NTRK2: variants seen among roughly 807,000 people sequenced by gnomAD.
NTRK2 encodes the protein neurotrophic receptor tyrosine kinase 2, also known as BDNF/NT-3 growth factors receptor.
A neutral mutation model predicts 94.5 loss-of-function variants in NTRK2; 13 were observed. The observed-to-expected ratio is 0.14, with a 90% CI of 0.09 to 0.22. The LOEUF is 0.22. NTRK2 is among the 10% of genes least tolerant of loss of function. The pLI is 1.00. For synonymous variants in NTRK2, 372 were observed against 407.4 expected, an observed-to-expected ratio of 0.91 and a Z score of 1.05; for missense variants, 639 against 1,071.2, an observed-to-expected ratio of 0.60 and a Z score of 5.63.
intron 12 of NTRK2, among the ~76,000 whole-genome samples, chr9:84,782,495 A>AT (rs1403976701): frequency 6.6e-6 from 1 of 152,000 alleles, no homozygotes; most frequent in Non-Finnish European, 1.5e-5. Context: ...AAGCTGTGGT[A>AT]TTTTTTCTGC....
intron 14 of NTRK2, among the ~76,000 whole-genome samples, chr9:84,881,685 A>G (rs996998017): frequency 3.3e-5 from 5 of 152,218 alleles, no homozygotes; most frequent in African/African-American, 9.6e-5. Context: ...GTATTTGCCT[A>G]TGATTCTGGT....
Position 84,727,944 on chromosome 9 carries a change from C to T in NTRK2, c.1144C>T (p.Pro382Ser). ...GATTTCTGCTCACTTCATGGGCTGG[C>T]CTGGAATTGACGATGGTGAGTAACT... ...KQISAHFMGW[P>S]GIDDGANPNY... The change falls in exon 9 of 19, where the codon CCT (proline) becomes TCT (serine). Residue 382 changes from proline (P) to serine (S), a missense_variant. Pro to Ser is a moderately conservative substitution (Grantham distance 74). Around this residue, in one of 5 missense-constraint regions of NTRK2, gnomAD observed 343 missense variants for 571.5 expected, o/e 0.60. Coordinates refer to ENST00000277120, the MANE Select transcript of NTRK2 (RefSeq NM_006180.6). The T allele has an allele frequency of 6.2e-7, 1 of 1,614,020 alleles. No individual in the cohort carries two copies. Among genetic ancestry groups the T allele is most frequent in the Non-Finnish European group, 8.5e-7 (1 of 1,179,938 alleles).
chr9:84,935,383 C>A (rs1257597466), intron 15 of NTRK2, among the ~76,000 whole-genome samples: 1 of 152,152 alleles, frequency 6.6e-6, no homozygotes, highest in East Asian at 1.9e-4. Flanking sequence ...TAAAATTATT[C>A]TTGGAGTCAT....
chr9:84,994,876 G>A (rs1474221748), intron 17 of NTRK2, among the ~76,000 whole-genome samples: 3 of 152,204 alleles, frequency 2.0e-5, no homozygotes, highest in African/African-American at 4.8e-5. Context: ...CCCAATGTGT[G>A]TTGTGGCCTA....
At chr9:84,786,901 C>T (rs2133128858) in intron 12 of NTRK2, among the ~76,000 whole-genome samples, 1 of 152,240 alleles carries the variant, frequency 6.6e-6, no homozygotes, top group Non-Finnish European at 1.5e-5. Flanking sequence ...TTTAAATTGA[C>T]ATTTTATTGT....
chr9:84,877,135 T>C, intron 14 of NTRK2: 1 of 1,064,938 alleles, frequency 9.4e-7, no homozygotes, highest in Non-Finnish European at 1.1e-6. Flanking sequence ...GTATATGCTC[T>C]GCCACTTCCT....
At chr9:84,949,495 T>C (rs554070929) in intron 16 of NTRK2, among the ~76,000 whole-genome samples, 174 of 151,978 alleles carry the variant, frequency 1.1e-3, no homozygotes, top group Middle Eastern at 6.8e-3. Context: ...TGAGACAGAG[T>C]CTCGCTCTGT....
At chr9:84,757,114 C>T (rs1347378170) in intron 12 of NTRK2, among the ~76,000 whole-genome samples, 1 of 152,124 alleles carries the variant, frequency 6.6e-6, no homozygotes, top group African/African-American at 2.4e-5. Flanking sequence ...GTAGAAACAT[C>T]TGTAAGGACA....
At chr9:84,898,772 G>C (rs1457163250) in intron 14 of NTRK2, among the ~76,000 whole-genome samples, 1 of 151,140 alleles carries the variant, frequency 6.6e-6, no homozygotes, top group African/African-American at 2.4e-5. Context: ...GTGCAATCTT[G>C]GCTCACTGCA....
rs1161839660 is a variant in NTRK2 at position 85,023,097 on chromosome 9, C to A, written c.*1660C>A. ...AACGGGAGGCTGTGCCCAGACCAAG[C>A]ACTGGAAGTGTGCTTCTAGGCATAG... On this transcript the variant is annotated 3_prime_UTR_variant, in exon 19 of 19. Coordinates refer to ENST00000277120, the MANE Select transcript of NTRK2 (RefSeq NM_006180.6). 1 of 232,962 alleles carries A rather than the reference C, an allele frequency of 4.3e-6. No individual in the cohort carries two copies. The highest frequency in any genetic ancestry group is 6.0e-5 in the East Asian group (1 of 16,574). The allele number at this position is 232,962 out of a possible 1,614,324, so 14.4% of individuals were successfully genotyped here.
In NTRK2 at chr9:84,670,835, T is replaced by C. The variant is rs762033325; in HGVS notation, c.87T>C (p.Ala29=). The C allele has an allele frequency of 1.2e-6, 2 of 1,614,114 alleles. No homozygotes were observed. The highest frequency in any genetic ancestry group is 2.2e-5 in the East Asian group (1 of 44,888). The change falls in exon 2 of 19, where the codon GCT becomes GCC. Residue 29 remains alanine, a synonymous_variant. Coordinates refer to ENST00000277120, the MANE Select transcript of NTRK2 (RefSeq NM_006180.6). ...CWLVVGFWRA[A]FACPTSCKCS... ...TGGTTGTGGGCTTCTGGAGGGCCGC[T>C]TTCGCCTGTCCCACGTCCTGCAAAT... is the stretch of plus-strand genomic sequence containing the variant.
At chr9:84,682,132 C>G (rs1358766001) in intron 2 of NTRK2, among the ~76,000 whole-genome samples, 1 of 152,138 alleles carries the variant, frequency 6.6e-6, no homozygotes, top group East Asian at 1.9e-4. Context: ...AGACTTGTAT[C>G]CCCTGGATGG....
At chr9:84,757,061 C>G (rs2065146597) in intron 12 of NTRK2, among the ~76,000 whole-genome samples, 3 of 152,154 alleles carry the variant, frequency 2.0e-5, no homozygotes, top group Non-Finnish European at 4.4e-5. Flanking sequence ...TTTGGATCAA[C>G]TTTTAAGAGG....
At chr9:84,972,710 T>A (rs1826327191) in intron 17 of NTRK2, among the ~76,000 whole-genome samples, 1 of 152,246 alleles carries the variant, frequency 6.6e-6, no homozygotes, top group South Asian at 2.1e-4. Flanking sequence ...CATGCATTTT[T>A]ATTTTCATTA....
chr9:85,016,909 A>G (rs143396313), intron 17 of NTRK2, among the ~76,000 whole-genome samples: 3 of 152,338 alleles, frequency 2.0e-5, no homozygotes, highest in African/African-American at 7.2e-5. Context: ...CCAAAGAGAC[A>G]GCAAGCAGAA....
chr9:84,948,330 G>A (rs2078667778), intron 15 of NTRK2, 132 bp from the exon 16 acceptor site: 2 of 918,524 alleles, frequency 2.2e-6, no homozygotes. Context: ...TCAGTTATTA[G>A]CACAAATGTT....
chr9:84,684,763 C>G (rs2059607126), intron 2 of NTRK2, among the ~76,000 whole-genome samples: 1 of 152,134 alleles, frequency 6.6e-6, no homozygotes. Context: ...GATTGAAAGT[C>G]TTTTCGTATG....
chr9:84,768,408 C>T (rs1055327659), intron 12 of NTRK2, among the ~76,000 whole-genome samples: 69 of 152,194 alleles, frequency 4.5e-4, no homozygotes, highest in African/African-American at 1.6e-3. Flanking sequence ...AGGCTAAATC[C>T]TCTCCCCTTG....
rs566308760 is a variant in NTRK2, at chr9:84,805,414, C to A, written c.1396+53329C>A. ...GAATAAACCAAGTCTAGCACCTTTT[C>A]CCCAGTAGATTAAAATGCTCCAGGA... On this transcript the variant is annotated intron_variant, in intron 12 of 18. Coordinates refer to ENST00000277120, the MANE Select transcript of NTRK2 (RefSeq NM_006180.6). Among the ~76,000 whole-genome samples, 5 of 152,294 alleles carry A rather than the reference C, an allele frequency of 3.3e-5. No homozygotes were observed. The East Asian group carries it at 5.8e-4, about 18-fold the overall frequency.
Sources: gnomAD v4.1 joint callset for allele counts (sites outside exome capture counted in the v4.1 genomes callset) on GRCh38, gnomAD v4.1.1 for gene constraint, gnomAD v4.1.1 regional missense constraint, MANE v1.5 for transcripts, NCBI Gene and HGNC (gene_info 2026-07-23, HGNC 2026-07-21) for gene names.